The following FARSB variants were observed in gnomAD, a reference collection of about 807,000 sequenced individuals.
FARSB encodes phenylalanine--tRNA ligase beta subunit.
A neutral mutation model predicts 69.6 loss-of-function variants in FARSB; 40 were observed. The ratio of observed to expected loss-of-function variants is 0.57; its 90% CI spans 0.45 to 0.75. The LOEUF is 0.75. Among genes scored for constraint, FARSB ranks in the 30% least tolerant of loss-of-function variants. The probability of loss-of-function intolerance (pLI) is 0.00; values close to 1 mark genes in which losing one functional copy is unlikely to be tolerated. For missense variants in FARSB, 632 were observed against 722.9 expected (o/e 0.87, Z 1.44); for synonymous variants, 235 against 247.2 (o/e 0.95, Z 0.46).
chr2:222,603,813 A>G (rs1690631634), intron 15 of FARSB, among the ~76,000 whole-genome samples: 1 of 151,092 alleles, frequency 6.6e-6, no homozygotes, highest in Non-Finnish European at 1.5e-5. Context: ...CTGACTGTAA[A>G]ACCCATGCTC....
chr2:222,653,979 C>T (rs1441065312), intron 1 of FARSB, among the ~76,000 whole-genome samples: 1 of 151,886 alleles, frequency 6.6e-6, no homozygotes, highest in Non-Finnish European at 1.5e-5. Context: ...CTTAATTGAT[C>T]ACTGACAATA....
intron 5 of FARSB, among the ~76,000 whole-genome samples, chr2:222,637,941 C>CACTGGAGTA: frequency 6.6e-6 from 1 of 151,994 alleles, no homozygotes; most frequent in South Asian, 2.1e-4. Context: ...ATGATCATGC[C>CACTGGAGTA]ACTGGACTCC....
intron 11 of FARSB, 74 bp downstream of exon 11, chr2:222,624,640 C>G: frequency 9.6e-7 from 1 of 1,041,500 alleles, no homozygotes; most frequent in Non-Finnish European, 1.5e-6. Flanking sequence ...TTAACAGACT[C>G]TGAAGGATCG....
In FARSB at chr2:222,634,541, C is replaced by T. The variant is rs550235317; in HGVS notation, c.456G>A (p.Arg152=). 428 of 1,609,342 alleles carry T rather than the reference C, an allele frequency of 2.7e-4. 2 individuals are homozygous for T. The South Asian group carries it at 4.4e-3, about 16-fold the overall frequency. Residue 152 remains arginine (R), a splice_region_variant and synonymous_variant, in exon 6 of 17, where the codon AGG becomes AGA. Transcript: ENST00000281828. ...LQEKLHQNIC[R]KRALVAIGTH... is the part of the protein sequence containing the mutation. ...TACCAATGGCAACCAGTGCTCTTTT[C>T]CTAATTGTTGAGAGGTTGAGGGAGA...
At chr2:222,626,967 C>T (rs1329517253) in intron 10 of FARSB, among the ~76,000 whole-genome samples, 1 of 152,096 alleles carries the variant, frequency 6.6e-6, no homozygotes, top group African/African-American at 2.4e-5. Context: ...ACCCAGGAGG[C>T]AGAGCTTGCA....
Position 222,624,464 on chromosome 2 carries a change from A to G in FARSB, c.978T>C (p.Asn326=), listed in dbSNP as rs138310437. The change falls in exon 12 of 17, where the codon AAT becomes AAC. Residue 326 remains asparagine (N), a synonymous_variant. Coordinates refer to ENST00000281828, the MANE Select transcript of FARSB (RefSeq NM_005687.5). ...KKVGIRETPE[N]LAKLLTRMYL... ...ACATCCTGGTCAGAAGTTTGGCAAG[A>G]TTTTCTGGAGTTTCTCTGAAAAAGG... is the stretch of plus-strand genomic sequence containing the variant. 8.9e-5 allele frequency: 144 copies of G among 1,611,028 alleles called. No individual in the cohort carries two copies. In the African/African-American group the frequency reaches 1.7e-3, roughly 19 times the overall value.
At chr2:222,633,085 C>A in intron 7 of FARSB, 114 bp downstream of exon 7, 1 of 688,658 alleles carries the variant, frequency 1.5e-6, no homozygotes, top group Non-Finnish European at 2.6e-6. Flanking sequence ...ACCTGAGATA[C>A]TCAGATTATG....
chr2:222,620,459 A>T (rs1691109009), intron 13 of FARSB, among the ~76,000 whole-genome samples: 1 of 152,240 alleles, frequency 6.6e-6, no homozygotes, highest in East Asian at 1.9e-4. Context: ...AGTACCCACC[A>T]ATCGAAGAGA....
At chr2:222,646,605 A>G (rs1194046324) in intron 2 of FARSB, among the ~76,000 whole-genome samples, 2 of 152,198 alleles carry the variant, frequency 1.3e-5, no homozygotes, top group East Asian at 3.8e-4. Context: ...GACTTCACAT[A>G]TATGCTCTCT....
intron 16 of FARSB, among the ~76,000 whole-genome samples, chr2:222,596,323 C>T (rs1261824206): frequency 2.0e-5 from 3 of 152,298 alleles, no homozygotes; most frequent in East Asian, 1.9e-4. Context: ...TTATAACGCA[C>T]GGAGCCAGGT....
At chr2:222,609,944 G>A (rs1690801015) in intron 15 of FARSB, among the ~76,000 whole-genome samples, 1 of 152,162 alleles carries the variant, frequency 6.6e-6, no homozygotes, top group Non-Finnish European at 1.5e-5. Context: ...ACAAGGCTGG[G>A]AAGGTTGGGT....
intron 15 of FARSB, among the ~76,000 whole-genome samples, chr2:222,604,722 A>T (rs976784530): frequency 9.0e-6 from 1 of 110,702 alleles, no homozygotes. Context: ...TGCCCACTGA[A>T]TTTTTTTTTT....
At position 222,631,633 on chromosome 2, in the gene FARSB, TA is replaced by T; in HGVS notation, c.756del (p.Phe252LeufsTer14). 1 of 1,570,518 alleles carries T rather than the reference TA, an allele frequency of 6.4e-7. No homozygotes were observed. Among genetic ancestry groups the T allele is most frequent in the Non-Finnish European group, 8.8e-7 (1 of 1,140,816 alleles). Reference sequence around the variant, plus strand: ...GTAAAGTCAGTTCCCGTGCATTCAATAAAAATATTTCTAGTATTTACTGTTA... The same window carrying T: ...GTAAAGTCAGTTCCCGTGCATTCAATAAAATATTTCTAGTATTTACTGTTA... ...SRITVNTRNI[F>X]IECTGTDFTK... On this transcript the variant is annotated frameshift_variant, in exon 8 of 17. Transcript: ENST00000281828. LOFTEE classifies it high-confidence loss of function.
At chr2:222,630,063 C>A in intron 9 of FARSB, 50 bp downstream of exon 9, 1 of 1,128,802 alleles carries the variant, frequency 8.9e-7, no homozygotes, top group Non-Finnish European at 1.3e-6. Flanking sequence ...TAGCACAAAG[C>A]CTCGCCTTCA....
chr2:222,588,596 T>C (rs1291132756), intron 16 of FARSB, among the ~76,000 whole-genome samples: 7 of 152,182 alleles, frequency 4.6e-5, no homozygotes, highest in Admixed American at 3.3e-4. Context: ...GACATGATTG[T>C]ATATTTAGAA....
chr2:222,623,156 T>C (rs919733325), intron 13 of FARSB, among the ~76,000 whole-genome samples: 1 of 152,184 alleles, frequency 6.6e-6, no homozygotes, highest in African/African-American at 2.4e-5. Flanking sequence ...GAAATTTCCT[T>C]CTGATTTTGT....
chr2:222,634,380 AG>A lies in FARSB; in HGVS notation c.606+10del. On this transcript the variant is annotated intron_variant, in intron 6 of 16. Coordinates refer to ENST00000281828, the MANE Select transcript of FARSB (RefSeq NM_005687.5). ...TTGCAAAGCTGCTGCATAATCAAAA[AG>A]AATATTTACCTTGTATATGTTCATC... is the stretch of plus-strand genomic sequence containing the variant. 2 of 1,519,972 alleles carry A rather than the reference AG, an allele frequency of 1.3e-6. No homozygotes were observed. Among genetic ancestry groups the A allele is most frequent in the Non-Finnish European group, 1.8e-6 (2 of 1,129,654 alleles). 94.2% of individuals were successfully genotyped at this position (1,519,972 alleles called of 1,614,324 possible).
chr2:222,652,177 C>G (rs549605303), intron 1 of FARSB, among the ~76,000 whole-genome samples: 52 of 152,274 alleles, frequency 3.4e-4, no homozygotes, highest in African/African-American at 1.1e-3. Context: ...GAACTACACC[C>G]AAGGAGCCAC....
At chr2:222,596,466 A>G (rs1690420779) in intron 16 of FARSB, among the ~76,000 whole-genome samples, 1 of 152,212 alleles carries the variant, frequency 6.6e-6, no homozygotes, top group Admixed American at 6.5e-5. Flanking sequence ...TGACATATGC[A>G]GGAATCTCTG....
Sources: gnomAD v4.1 joint callset for allele counts (sites outside exome capture counted in the v4.1 genomes callset) on GRCh38, gnomAD v4.1.1 for gene constraint, MANE v1.5 for transcripts, NCBI Gene and HGNC (gene_info 2026-07-23, HGNC 2026-07-21) for gene names.